The following MINDY4 variants were observed in gnomAD, a reference collection of about 807,000 sequenced individuals.
The protein encoded by MINDY4 is MINDY lysine 48 deubiquitinase 4, also known as probable ubiquitin carboxyl-terminal hydrolase MINDY-4.
A neutral mutation model predicts 87.0 loss-of-function variants in MINDY4; 68 were observed. The observed-to-expected ratio is 0.78, with a 90% CI of 0.64 to 0.96. The LOEUF (loss-of-function observed/expected upper bound fraction) is 0.96, where lower values mean the gene tolerates loss of function less well. MINDY4 is among the 40% of genes least tolerant of loss of function. MINDY4 has a pLI of 0.00. For missense variants in MINDY4, 919 were observed against 928.2 expected (o/e 0.99, Z 0.13); for synonymous variants, 379 against 363.2 (o/e 1.04, Z -0.50).
At chr7:30,779,642 A>G (rs930786529) in intron 2 of MINDY4, 1 of 152,210 alleles carries the variant, frequency 6.6e-6, no homozygotes, top group Non-Finnish European at 1.5e-5. Flanking sequence ...CCACTGATCA[A>G]TTCCCTTCTC....
At chr7:30,857,496 G>A (rs1789613552) in intron 12 of MINDY4, among the ~76,000 whole-genome samples, 1 of 49,888 alleles carries the variant, frequency 2.0e-5, no homozygotes, top group South Asian at 9.4e-4. Flanking sequence ...TTTTTGAGAC[G>A]GAGTCTCGCT....
chr7:30,773,253 C>T (rs1422995280), intron 1 of MINDY4, among the ~76,000 whole-genome samples: 3 of 152,202 alleles, frequency 2.0e-5, no homozygotes, highest in African/African-American at 7.2e-5. Context: ...TGCCAGGTAC[C>T]TAGAAGGTGC....
intron 14 of MINDY4, among the ~76,000 whole-genome samples, chr7:30,874,120 T>C (rs1790191452): frequency 1.3e-5 from 2 of 152,260 alleles, no homozygotes; most frequent in South Asian, 2.1e-4. Context: ...TGGCCATTCC[T>C]ACGTGCTCCA....
chr7:30,862,951 CTT>C (rs1342462429), intron 13 of MINDY4, among the ~76,000 whole-genome samples: 3 of 152,130 alleles, frequency 2.0e-5, no homozygotes, highest in Non-Finnish European at 4.4e-5. Flanking sequence ...AGCGGAATGA[CTT>C]TGATTAGAGC....
chr7:30,865,282 T>C (rs1417829077), intron 13 of MINDY4, among the ~76,000 whole-genome samples: 1 of 152,226 alleles, frequency 6.6e-6, no homozygotes, highest in Middle Eastern at 3.2e-3. Context: ...GAAGCTTAGC[T>C]GGGAAACAGG....
chr7:30,845,451 G>T (rs1789179447), intron 9 of MINDY4, among the ~76,000 whole-genome samples: 1 of 151,522 alleles, frequency 6.6e-6, no homozygotes, highest in Non-Finnish European at 1.5e-5. Flanking sequence ...TGTGTGAATG[G>T]TTGGGTGTGA....
At chr7:30,865,979 C>G (rs1179227831) in intron 13 of MINDY4, among the ~76,000 whole-genome samples, 1 of 152,232 alleles carries the variant, frequency 6.6e-6, no homozygotes, top group Non-Finnish European at 1.5e-5. Flanking sequence ...TACCTGCTGT[C>G]CTCTCGCAGT....
chr7:30,856,247 C>T (rs191151795), intron 12 of MINDY4, among the ~76,000 whole-genome samples: 10 of 152,310 alleles, frequency 6.6e-5, no homozygotes, highest in Admixed American at 3.3e-4. Context: ...TGCCTGACCT[C>T]GCCTTTCAAT....
At chr7:30,882,828 A>G in intron 16 of MINDY4, 93 bp from the exon 17 acceptor site, 1 of 1,091,128 alleles carries the variant, frequency 9.2e-7, no homozygotes, top group South Asian at 1.4e-5. Context: ...GACAGGGACT[A>G]GAAGGGGGCG....
intron 5 of MINDY4, among the ~76,000 whole-genome samples, chr7:30,823,509 A>T (rs189646481): frequency 1.2e-3 from 186 of 151,878 alleles, no homozygotes; most frequent in African/African-American, 4.1e-3. Context: ...AGACTCATGA[A>T]TTTTTTTCAA....
At chr7:30,877,378 C>T (rs182617013) in intron 15 of MINDY4, among the ~76,000 whole-genome samples, 143 of 152,272 alleles carry the variant, frequency 9.4e-4, no homozygotes, top group African/African-American at 3.3e-3. Flanking sequence ...TCATCCTTCC[C>T]TTGTAATAAA....
chr7:30,876,899 G>A (rs1790276511), intron 15 of MINDY4, among the ~76,000 whole-genome samples: 5 of 152,068 alleles, frequency 3.3e-5, no homozygotes, highest in Admixed American at 3.3e-4. Flanking sequence ...TTTTCAGGGT[G>A]GAAAAAGACT....
At chr7:30,843,641 C>G (rs1789110225) in intron 9 of MINDY4, among the ~76,000 whole-genome samples, 1 of 141,322 alleles carries the variant, frequency 7.1e-6, no homozygotes, top group South Asian at 2.4e-4. Context: ...CTGCTGTCCA[C>G]ACCAGGGAGG....
In MINDY4 at chr7:30,892,198, G is replaced by T; in HGVS notation, c.*193G>T. On this transcript the variant is annotated 3_prime_UTR_variant, in exon 18 of 18. Coordinates refer to ENST00000265299, the MANE Select transcript of MINDY4 (RefSeq NM_032222.3). ...GACTGTGCTGGGGACCCAGTGTGTT[G>T]CTGGGTCCCCTCCCAGCTGAGCTGT... The T allele has an allele frequency of 1.7e-6, 1 of 600,878 alleles. No homozygotes were observed. The highest frequency in any genetic ancestry group is 3.0e-5 in the Admixed American group (1 of 33,510). 37.2% of individuals were successfully genotyped at this position (600,878 alleles called of 1,614,324 possible).
chr7:30,810,802 T>G (rs184355394), intron 5 of MINDY4, among the ~76,000 whole-genome samples: 28 of 152,260 alleles, frequency 1.8e-4, no homozygotes, highest in African/African-American at 5.5e-4. Context: ...TAAGAAGCAT[T>G]ACTAAATATA....
intron 16 of MINDY4, 149 bp downstream of exon 16, chr7:30,882,510 A>G (rs988412252): frequency 5.2e-6 from 4 of 768,410 alleles, no homozygotes; most frequent in Admixed American, 3.1e-5. Context: ...CAGAGAGCCA[A>G]TGCCAGCAGG....
chr7:30,864,902 C>T (rs562374487), intron 13 of MINDY4, among the ~76,000 whole-genome samples: 8 of 152,334 alleles, frequency 5.3e-5, no homozygotes, highest in African/African-American at 1.4e-4. Flanking sequence ...GTGCTCACCC[C>T]GTCAGAGACC....
At chr7:30,889,814 TATC>T (rs1366615461) in intron 17 of MINDY4, among the ~76,000 whole-genome samples, 3 of 152,184 alleles carry the variant, frequency 2.0e-5, no homozygotes, top group African/African-American at 7.2e-5. Flanking sequence ...ATGAAAGTGT[TATC>T]ATATACCTCT....
intron 1 of MINDY4, among the ~76,000 whole-genome samples, chr7:30,772,135 ATCTGGCC>A (rs1481230472): frequency 6.6e-6 from 1 of 152,136 alleles, no homozygotes; most frequent in Admixed American, 6.5e-5. Context: ...CTTAGCTGTC[ATCTGGCC>A]TCAGGGTGGA....
Sources: gnomAD v4.1 joint callset for allele counts (sites outside exome capture counted in the v4.1 genomes callset) on GRCh38, gnomAD v4.1.1 for gene constraint, MANE v1.5 for transcripts, NCBI Gene and HGNC (gene_info 2026-07-23, HGNC 2026-07-21) for gene names.